Variants in SLC1A4 observed in about 807,000 individuals in gnomAD.
The protein encoded by SLC1A4 is solute carrier family 1 member 4.
A neutral mutation model predicts 37.7 loss-of-function variants in SLC1A4; 19 were observed. That is an observed-to-expected ratio of 0.50 (90% confidence interval 0.35 to 0.74). The LOEUF is 0.74. Ranked by LOEUF, SLC1A4 falls within the 30% of genes least tolerant of loss-of-function variation. SLC1A4 has a pLI of 0.01. For synonymous variants in SLC1A4, 299 were observed against 309.8 expected, an observed-to-expected ratio of 0.97 and a Z score of 0.37; for missense variants, 570 against 712.9, an observed-to-expected ratio of 0.80 and a Z score of 2.28.
Position 65,021,245 on chromosome 2 carries a change from C to A in SLC1A4, c.*99C>A. 1 of 934,252 alleles carries A rather than the reference C, an allele frequency of 1.1e-6. No individual in the cohort carries two copies. The highest frequency in any genetic ancestry group is 1.6e-6 in the Non-Finnish European group (1 of 611,886). The allele number at this position is 934,252 out of a possible 1,614,324, so 57.9% of individuals were successfully genotyped here. A position where few individuals can be genotyped will look rare whatever the true frequency, so the allele number is the denominator to read the frequency against. ...AGGGCACTGCCCTTGCCAACTTTTA[C>A]CCTCCCAAGCAATGCTTTGGCCCAG... is the stretch of plus-strand genomic sequence containing the variant. On this transcript the variant is annotated 3_prime_UTR_variant, in exon 8 of 8. Transcript: ENST00000234256.
intron 1 of SLC1A4, among the ~76,000 whole-genome samples, chr2:64,992,220 C>T (rs1391850450): frequency 1.3e-5 from 2 of 152,194 alleles, no homozygotes; most frequent in Non-Finnish European, 2.9e-5. Context: ...TATGGTCCCG[C>T]ACCGGGAGCC....
In SLC1A4 at chr2:65,001,489, C is replaced by T. The variant is rs776340812; in HGVS notation, c.569C>T (p.Thr190Met). The change falls in exon 2 of 8, where the codon ACG (threonine) becomes ATG (methionine). Residue 190 changes from threonine (T) to methionine (M), a missense_variant and splice_region_variant. Transcript: ENST00000234256. The stretch of plus-strand genomic sequence containing the variant: ...AATCTTGTGGTTGCAGCTTTCCGTA[C>T]GGTAAGGCTTGATACTTTGCTAAAA... ...PSNLVVAAFR[T>M]YATDYKVVTQ... is the part of the protein sequence containing the mutation. 1.6e-5 allele frequency: 26 copies of T among 1,612,926 alleles called. No individual in the cohort carries two copies. The highest frequency in any genetic ancestry group is 3.3e-4 in the Middle Eastern group (2 of 6,080).
intron 7 of SLC1A4, among the ~76,000 whole-genome samples, chr2:65,019,078 T>C (rs1674304629): frequency 6.6e-6 from 1 of 152,182 alleles, no homozygotes; most frequent in Admixed American, 6.5e-5. Context: ...AGGAGTGATT[T>C]CTGTGAGGGG....
chr2:65,001,016 G>A (rs1316818667), intron 1 of SLC1A4: 1 of 155,990 alleles, frequency 6.4e-6, no homozygotes, highest in East Asian at 1.9e-4. Flanking sequence ...TGCAGTTATA[G>A]ACTTGGTTGG....
At position 64,989,510 on chromosome 2, in the gene SLC1A4, G is replaced by A; in HGVS notation, c.-134G>A. The A allele has an allele frequency of 2.7e-6, 2 of 737,296 alleles. No individual in the cohort carries two copies. The highest frequency in any genetic ancestry group is 3.9e-6 in the Non-Finnish European group (2 of 516,874). 45.7% of individuals were successfully genotyped at this position (737,296 alleles called of 1,614,324 possible). A position where few individuals can be genotyped will look rare whatever the true frequency, so the allele number is the denominator to read the frequency against. ...TTTCTCGCACCTGCTCCTGCGCCAG[G>A]CCCGGAGACCCCCGGGGCGGCTTCC... On this transcript the variant is annotated 5_prime_UTR_variant, in exon 1 of 8. Transcript: ENST00000234256.
In SLC1A4 at chr2:64,990,029, C is replaced by T. The variant is rs766134703; in HGVS notation, c.386C>T (p.Ser129Leu). 2 of 1,603,176 alleles carry T rather than the reference C, an allele frequency of 1.2e-6. No individual in the cohort carries two copies. The highest frequency in any genetic ancestry group is 1.7e-6 in the Non-Finnish European group (2 of 1,175,022). ...AYFGLTTLSA[S>L]ALAVALAFII... The stretch of plus-strand genomic sequence containing the variant: ...TTTGGCCTCACCACACTGAGTGCCT[C>T]GGCGCTCGCCGTGGCCTTGGCGTTC... The change falls in exon 1 of 8, where the codon TCG (serine) becomes TTG (leucine). Residue 129 changes from serine to leucine, a missense_variant. By Grantham distance (145) the Ser-to-Leu change is moderately radical. Coordinates refer to ENST00000234256, the MANE Select transcript of SLC1A4 (RefSeq NM_003038.5).
At chr2:65,019,906 C>G (rs1674341690) in intron 7 of SLC1A4, among the ~76,000 whole-genome samples, 2 of 152,242 alleles carry the variant, frequency 1.3e-5, no homozygotes, top group African/African-American at 4.8e-5. Flanking sequence ...ACCCCATCCC[C>G]TCTGATTCTG....
At chr2:65,019,834 G>C (rs1240352446) in intron 7 of SLC1A4, among the ~76,000 whole-genome samples, 4 of 152,214 alleles carry the variant, frequency 2.6e-5, no homozygotes, top group African/African-American at 9.6e-5. Flanking sequence ...GCCAGGAACA[G>C]GGAAACAGGG....
At chr2:65,009,310 T>C (rs1352328929) in intron 3 of SLC1A4, among the ~76,000 whole-genome samples, 5 of 151,136 alleles carry the variant, frequency 3.3e-5, no homozygotes, top group Non-Finnish European at 5.9e-5. Flanking sequence ...GAGGTGGAGG[T>C]TGTGGTGAGC....
chr2:65,021,348 CTG>C lies in SLC1A4; in HGVS notation c.*203_*204del. 1 of 585,538 alleles carries C rather than the reference CTG, an allele frequency of 1.7e-6. No homozygotes were observed. The highest frequency in any genetic ancestry group is 2.8e-5 in the East Asian group (1 of 35,426). 36.3% of individuals were successfully genotyped at this position (585,538 alleles called of 1,614,324 possible). A position where few individuals can be genotyped will look rare whatever the true frequency, so the allele number is the denominator to read the frequency against. On this transcript the variant is annotated 3_prime_UTR_variant, in exon 8 of 8. Transcript: ENST00000234256. The stretch of plus-strand genomic sequence containing the variant: ...ACTGGTTACCAAGGACAAGGACACT[CTG>C]ACATTCGGCTTGATCCATGTCCAGG...
chr2:65,005,023 G>A (rs1020946779), intron 3 of SLC1A4, among the ~76,000 whole-genome samples: 17 of 152,122 alleles, frequency 1.1e-4, no homozygotes, highest in South Asian at 1.0e-3. Context: ...GTTGAAGTTC[G>A]GAACAAAATA....
At chr2:65,004,107 T>G in intron 3 of SLC1A4, 92 bp downstream of exon 3, 2 of 1,116,574 alleles carry the variant, frequency 1.8e-6, no homozygotes, top group Non-Finnish European at 1.3e-6. Context: ...GGCTGAAAAC[T>G]TTGAGGTTTG....
chr2:64,992,460 T>C (rs1237350503), intron 1 of SLC1A4, among the ~76,000 whole-genome samples: 4 of 152,232 alleles, frequency 2.6e-5, no homozygotes, highest in Non-Finnish European at 5.9e-5. Flanking sequence ...AGAGGCTTTG[T>C]TGTGGCTTGC....
chr2:64,989,457 C>G lies in SLC1A4; in HGVS notation c.-187C>G. ...GCGCGATCCTCTCCGCCCGCGGCTC[C>G]AACCCGCACTCTGCGCCTCTCCTCG... On this transcript the variant is annotated 5_prime_UTR_variant, in exon 1 of 8. Coordinates refer to ENST00000234256, the MANE Select transcript of SLC1A4 (RefSeq NM_003038.5). 4 of 459,888 alleles carry G rather than the reference C, an allele frequency of 8.7e-6. No individual in the cohort carries two copies. The highest frequency in any genetic ancestry group is 1.4e-5 in the Non-Finnish European group (4 of 278,814). 28.5% of individuals were successfully genotyped at this position (459,888 alleles called of 1,614,324 possible).
At chr2:64,997,070 C>T (rs1340031185) in intron 1 of SLC1A4, among the ~76,000 whole-genome samples, 3 of 152,198 alleles carry the variant, frequency 2.0e-5, no homozygotes, top group East Asian at 3.9e-4. Context: ...GCCTCATCTC[C>T]TTGCCCTTGG....
chr2:65,003,079 CT>C (rs35022766), intron 2 of SLC1A4, among the ~76,000 whole-genome samples: 1 of 152,030 alleles, frequency 6.6e-6, no homozygotes, highest in Non-Finnish European at 1.5e-5. Context: ...GTATATGGGG[CT>C]TTTTTTAGTG....
intron 2 of SLC1A4, among the ~76,000 whole-genome samples, chr2:65,002,464 T>G (rs2103648395): frequency 6.6e-6 from 1 of 151,104 alleles, no homozygotes; most frequent in South Asian, 2.1e-4. Flanking sequence ...ATTGTAAGAG[T>G]ATAACATAAT....
In SLC1A4 at chr2:65,010,758, T is replaced by C; in HGVS notation, c.795T>C (p.Ile265=). The part of the protein sequence containing the change: ...NEATMVLVSW[I]MWYVPVGIMF... The stretch of plus-strand genomic sequence containing the variant: ...CGACGATGGTGCTGGTGTCCTGGAT[T>C]ATGTGGTGAGTGCTGCTTTGCTGCC... Residue 265 remains isoleucine, a synonymous_variant, in exon 4 of 8, where the codon ATT becomes ATC. Transcript: ENST00000234256. 6.2e-7 allele frequency: 1 copy of C among 1,611,960 alleles called. No homozygotes were observed. The highest frequency in any genetic ancestry group is 8.5e-7 in the Non-Finnish European group (1 of 1,179,150).
intron 3 of SLC1A4, among the ~76,000 whole-genome samples, chr2:65,010,221 C>T (rs112941866): frequency 3.3e-5 from 5 of 152,286 alleles, no homozygotes; most frequent in African/African-American, 7.2e-5. Flanking sequence ...TGTGAGCCAC[C>T]GCGACCAGCC....
Sources: gnomAD v4.1 joint callset for allele counts (sites outside exome capture counted in the v4.1 genomes callset) on GRCh38, gnomAD v4.1.1 for gene constraint, MANE v1.5 for transcripts, NCBI Gene and HGNC (gene_info 2026-07-23, HGNC 2026-07-21) for gene names.